The following GRID2 variants were observed in gnomAD, a reference collection of about 807,000 sequenced individuals.
The protein encoded by GRID2 is glutamate ionotropic receptor delta type subunit 2.
Under a neutral mutation model 114.8 loss-of-function variants are expected in GRID2, and 33 were observed. The ratio of observed to expected loss-of-function variants is 0.29; its 90% confidence interval spans 0.22 to 0.38. The LOEUF (loss-of-function observed/expected upper bound fraction) is 0.38, where lower values mean the gene tolerates loss of function less well. GRID2 is among the 10% of genes least tolerant of loss of function. The probability of loss-of-function intolerance (pLI) is 1.00; values close to 1 mark genes in which losing one functional copy is unlikely to be tolerated. For missense variants in GRID2, 1,184 were observed against 1,257.7 expected (o/e 0.94, Z 0.89); for synonymous variants, 505 against 449.9 (o/e 1.12, Z -1.55).
chr4:93,211,478 A>G lies in GRID2; in HGVS notation c.789+4021A>G, dbSNP rs867813519. 2.6e-5 allele frequency among the ~76,000 whole-genome samples: 4 copies of G among 152,258 alleles called. 1 individual carries two copies. The Middle Eastern group carries it at 0.014, about 518-fold the overall frequency. On this transcript the variant is annotated intron_variant, in intron 5 of 15. Coordinates refer to ENST00000282020, the MANE Select transcript of GRID2 (RefSeq NM_001510.4). The stretch of plus-strand genomic sequence containing the variant: ...TTTGGGCCACTATTTTGCAAAATAA[A>G]ACATCCATATAAACAAAGCAATCTC...
intron 2 of GRID2, among the ~76,000 whole-genome samples, chr4:92,699,983 T>G (rs138178932): frequency 1.3e-5 from 2 of 152,342 alleles, no homozygotes; most frequent in East Asian, 3.9e-4. Flanking sequence ...ATGTCTTTAA[T>G]GTGTACTTTA....
At chr4:93,259,446 A>G (rs1425086771) in intron 8 of GRID2, among the ~76,000 whole-genome samples, 4 of 151,860 alleles carry the variant, frequency 2.6e-5, no homozygotes, top group African/African-American at 9.7e-5. Flanking sequence ...TTGATTTTTT[A>G]AAATGATTTC....
chr4:93,784,251 TC>T (rs1213546640), intron 1 of GRID2, among the ~76,000 whole-genome samples: 26 of 152,064 alleles, frequency 1.7e-4, no homozygotes, highest in African/African-American at 6.3e-4. Context: ...AGGCTCACAT[TC>T]CATCTACGTA....
chr4:92,616,029 A>G (rs1412944059), intron 2 of GRID2, among the ~76,000 whole-genome samples: 2 of 151,666 alleles, frequency 1.3e-5, no homozygotes, highest in African/African-American at 4.8e-5. Flanking sequence ...AAAATAAACT[A>G]TGTACACTAT....
intron 2 of GRID2, among the ~76,000 whole-genome samples, chr4:92,768,777 C>G (rs766349338): frequency 6.6e-5 from 10 of 152,134 alleles, no homozygotes; most frequent in Non-Finnish European, 1.2e-4. Context: ...TCATGAGATT[C>G]ATTCACTATC....
At chr4:92,658,038 G>A (rs1732331936) in intron 2 of GRID2, among the ~76,000 whole-genome samples, 1 of 151,446 alleles carries the variant, frequency 6.6e-6, no homozygotes, top group Admixed American at 6.6e-5. Context: ...GAGTTATTAG[G>A]GTAATTATTT....
intron 2 of GRID2, among the ~76,000 whole-genome samples, chr4:92,844,174 T>G (rs1272819479): frequency 6.6e-6 from 1 of 152,080 alleles, no homozygotes; most frequent in African/African-American, 2.4e-5. Flanking sequence ...TTAACAAGCT[T>G]AACTCATTTT....
intron 1 of GRID2, among the ~76,000 whole-genome samples, chr4:92,340,090 A>G (rs1239350555): frequency 6.6e-6 from 1 of 152,168 alleles, no homozygotes; most frequent in Non-Finnish European, 1.5e-5. Context: ...GAACAATAAA[A>G]AATAATGTAT....
chr4:92,358,614 G>A (rs925161666), intron 1 of GRID2, among the ~76,000 whole-genome samples: 4 of 151,838 alleles, frequency 2.6e-5, no homozygotes, highest in African/African-American at 9.7e-5. Context: ...TTATAATATG[G>A]TTATTGTGAA....
chr4:93,702,650 T>C (rs1727613043), intron 14 of GRID2, among the ~76,000 whole-genome samples: 2 of 152,104 alleles, frequency 1.3e-5, no homozygotes, highest in African/African-American at 2.4e-5. Context: ...TAATGGCAAA[T>C]AGCTTCTGAA....
chr4:93,104,745 G>A (rs1404213332), intron 3 of GRID2, among the ~76,000 whole-genome samples: 13 of 152,128 alleles, frequency 8.5e-5, no homozygotes, highest in Non-Finnish European at 1.6e-4. Flanking sequence ...CTTTGCTATT[G>A]TGAATAGTGC....
In GRID2 at chr4:93,110,924, C is replaced by A. The variant is rs367770083; in HGVS notation, c.706C>A (p.Pro236Thr). The A allele has an allele frequency of 6.2e-7, 1 of 1,610,912 alleles. No individual in the cohort carries two copies. Among genetic ancestry groups the A allele is most frequent in the Non-Finnish European group, 8.5e-7 (1 of 1,177,084 alleles). Residue 236 changes from proline to threonine, a missense_variant, in exon 4 of 16, where the codon CCT becomes ACT. Pro to Thr is a conservative substitution (Grantham distance 38, BLOSUM62 -1). This residue lies in a region of GRID2 where 455 missense variants were observed against 429.5 expected (regional missense o/e 1.06). Transcript: ENST00000282020. ...TAGGCGAGCGATCCTTGTTATGAAT[C>A]CTGCTACAGCCAAATCCTTCATTAC... is the stretch of plus-strand genomic sequence containing the variant. Reference protein sequence around the residue: ...TLRRAILVMNPATAKSFITEV... With the variant: ...TLRRAILVMNTATAKSFITEV...
intron 13 of GRID2, among the ~76,000 whole-genome samples, chr4:93,523,941 C>A (rs1730585755): frequency 6.6e-6 from 1 of 152,034 alleles, no homozygotes; most frequent in African/African-American, 2.4e-5. Flanking sequence ...TGCATGTCGG[C>A]CATATCCTCT....
intron 2 of GRID2, among the ~76,000 whole-genome samples, chr4:92,843,617 C>A (rs1452853480): frequency 6.6e-6 from 1 of 152,030 alleles, no homozygotes; most frequent in African/African-American, 2.4e-5. Flanking sequence ...TTATACAAAT[C>A]TATTTTATGT....
In GRID2 at chr4:93,049,620, T is replaced by G. The variant is rs575330072; in HGVS notation, c.245-35375T>G. Among the ~76,000 whole-genome samples the G allele has an allele frequency of 3.9e-5, 6 of 152,038 alleles. No individual in the cohort carries two copies. The East Asian group carries it at 1.2e-3, about 29-fold the overall frequency. ...TAATTAAATATATATTTATTGCTAT[T>G]TTAAGAAAACAGTGTTTTTTTGGAA... On this transcript the variant is annotated intron_variant, in intron 2 of 15. Coordinates refer to ENST00000282020, the MANE Select transcript of GRID2 (RefSeq NM_001510.4).
At chr4:92,560,566 A>C (rs1727057349) in intron 1 of GRID2, among the ~76,000 whole-genome samples, 1 of 152,188 alleles carries the variant, frequency 6.6e-6, no homozygotes, top group Admixed American at 6.5e-5. Context: ...AATGTTTCAC[A>C]AAGGTGCATT....
At chr4:93,636,337 C>G (rs994782100) in intron 14 of GRID2, among the ~76,000 whole-genome samples, 5 of 152,056 alleles carry the variant, frequency 3.3e-5, no homozygotes, top group Non-Finnish European at 7.4e-5. Flanking sequence ...AGTTATTTTA[C>G]TGATATAATC....
chr4:93,087,531 C>T (rs1429948631), intron 3 of GRID2, among the ~76,000 whole-genome samples: 1 of 151,880 alleles, frequency 6.6e-6, no homozygotes, highest in Non-Finnish European at 1.5e-5. Context: ...AATATATAGT[C>T]ACAGAATCAT....
At chr4:92,676,162 C>A (rs1370918599) in intron 2 of GRID2, among the ~76,000 whole-genome samples, 2 of 85,250 alleles carry the variant, frequency 2.3e-5, no homozygotes, top group Non-Finnish European at 5.3e-5. Context: ...TCAAGCCCCC[C>A]CCCCCCCCTT....
Sources: gnomAD v4.1 joint callset for allele counts (sites outside exome capture counted in the v4.1 genomes callset) on GRCh38, gnomAD v4.1.1 for gene constraint, gnomAD v4.1.1 regional missense constraint, MANE v1.5 for transcripts, NCBI Gene and HGNC (gene_info 2026-07-23, HGNC 2026-07-21) for gene names.